The following TNC variants were observed in gnomAD, a reference collection of about 807,000 sequenced individuals.
TNC encodes the protein tenascin.
A neutral mutation model predicts 202.4 loss-of-function variants in TNC; 109 were observed. The observed-to-expected ratio is 0.54, with a 90% CI of 0.46 to 0.63. The LOEUF (loss-of-function observed/expected upper bound fraction) is 0.63. Among genes scored for constraint, TNC ranks in the 30% least tolerant of loss-of-function variants. TNC has a pLI of 0.00. For missense variants in TNC, 2,756 were observed against 2,833.3 expected, an observed-to-expected ratio of 0.97 and a Z score of 0.62; for synonymous variants, 1,007 against 1,089.7, an observed-to-expected ratio of 0.92 and a Z score of 1.50.
At position 115,057,417 on chromosome 9, in the gene TNC, G is replaced by A; in HGVS notation, c.4315C>T (p.Pro1439Ser). The A allele has an allele frequency of 6.2e-7, 1 of 1,607,260 alleles. No individual in the cohort carries two copies. The highest frequency in any genetic ancestry group is 1.1e-5 in the South Asian group (1 of 90,622). ...GAAACATTTAAGTTTCCAATTTCAG[G>A]TTCTTTGGCTGTAAAAGGAAGGGGT... Reference protein sequence around the residue: ...LSAEASTAKEPEIGNLNVSDI... With the variant: ...LSAEASTAKESEIGNLNVSDI... The change falls in exon 15 of 28, where the codon CCT (proline) becomes TCT (serine). Residue 1439 changes from proline to serine, a missense_variant. Around this residue, in one of 2 missense-constraint regions of TNC, gnomAD observed 2,559 missense variants for 2,546.0 expected, o/e 1.01. Coordinates refer to ENST00000350763, the MANE Select transcript of TNC (RefSeq NM_002160.4).
At position 115,021,171 on chromosome 9, in the gene TNC, G is replaced by A. The variant is rs143636742; in HGVS notation, c.6592C>T (p.Arg2198Cys). The change falls in exon 28 of 28, where the codon CGC becomes TGC. Residue 2198 changes from arginine (R) to cysteine (C), a missense_variant. Arg to Cys is a radical substitution (Grantham distance 180, BLOSUM62 -3). Transcript: ENST00000350763. ...PSNFRNLEGRRKRA is the reference protein window; with the variant it reads ...PSNFRNLEGRCKRA ...GTCCCTGGAATTTATGCCCGTTTGC[G>A]CCTGCCTTCAAGATTTCTGAAGTTG... is the stretch of plus-strand genomic sequence containing the variant. 9.9e-6 allele frequency: 16 copies of A among 1,613,456 alleles called. No individual in the cohort carries two copies. The African/African-American group carries it at 1.6e-4, about 16-fold the overall frequency.
chr9:115,069,941 G>A (rs1186191745), intron 10 of TNC, among the ~76,000 whole-genome samples: 3 of 151,250 alleles, frequency 2.0e-5, no homozygotes, highest in Non-Finnish European at 2.9e-5. Flanking sequence ...AAGAATTGGG[G>A]TGTTAATGCA....
intron 1 of TNC, among the ~76,000 whole-genome samples, chr9:115,097,026 T>G (rs1835849208): frequency 1.3e-5 from 2 of 152,230 alleles, no homozygotes; most frequent in South Asian, 4.1e-4. Context: ...CCCGTTTCTC[T>G]GCTGTCCTGC....
In TNC at chr9:115,073,919, T is replaced by G; in HGVS notation, c.2951-53A>C. 3 of 1,559,514 alleles carry G rather than the reference T, an allele frequency of 1.9e-6. No individual in the cohort carries two copies. The South Asian group carries it at 3.5e-5, about 18-fold the overall frequency. ...TCTTCAGGCTGCAAGACAGGGCTGCTTCTGGGGCTGAAAGTCAACTGCATC... is the reference window on the plus strand; with the variant it reads ...TCTTCAGGCTGCAAGACAGGGCTGCGTCTGGGGCTGAAAGTCAACTGCATC... On this transcript the variant is annotated intron_variant, in intron 9 of 27. Coordinates refer to ENST00000350763, the MANE Select transcript of TNC (RefSeq NM_002160.4).
intron 9 of TNC, among the ~76,000 whole-genome samples, chr9:115,075,349 A>G (rs1378480951): frequency 6.6e-6 from 1 of 152,172 alleles, no homozygotes; most frequent in African/African-American, 2.4e-5. Flanking sequence ...AATCTGCTTG[A>G]CAGGGGTATA....
chr9:115,114,207 G>T (rs919498917), intron 1 of TNC, among the ~76,000 whole-genome samples: 2 of 152,112 alleles, frequency 1.3e-5, no homozygotes, highest in African/African-American at 4.8e-5. Context: ...AAACTGGCCC[G>T]GGATAAGATT....
In TNC at chr9:115,035,303, A is replaced by C. The variant is rs1830239183; in HGVS notation, c.5688T>G (p.Thr1896=). The C allele has an allele frequency of 6.2e-7, 1 of 1,613,460 alleles. No individual in the cohort carries two copies. The highest frequency in any genetic ancestry group is 1.3e-5 in the African/African-American group (1 of 74,904). The change falls in exon 22 of 28, where the codon ACT becomes ACG. Residue 1896 remains threonine (T), a synonymous_variant. Coordinates refer to ENST00000350763, the MANE Select transcript of TNC (RefSeq NM_002160.4). The part of the protein sequence containing the change: ...DLDSPRDLTA[T]EVQSETALLT... Reference sequence around the variant, plus strand: ...GGAGGGCAGTTTCCGACTGAACCTCAGTAGCAGTCAAGTCTCTTGGAGAAT... The same window carrying C: ...GGAGGGCAGTTTCCGACTGAACCTCCGTAGCAGTCAAGTCTCTTGGAGAAT...
intron 26 of TNC, among the ~76,000 whole-genome samples, chr9:115,025,602 G>A (rs1829418086): frequency 6.6e-6 from 1 of 151,926 alleles, no homozygotes; most frequent in South Asian, 2.1e-4. Context: ...GTTTTCTGCA[G>A]CCAGGATTGC....
At chr9:115,090,035 A>G (rs867576010) in intron 2 of TNC, among the ~76,000 whole-genome samples, 1 of 152,210 alleles carries the variant, frequency 6.6e-6, no homozygotes, top group African/African-American at 2.4e-5. Flanking sequence ...TCTAATTCTT[A>G]TAACTCAGCA....
intron 10 of TNC, among the ~76,000 whole-genome samples, chr9:115,065,611 C>A (rs1399793395): frequency 1.3e-5 from 2 of 152,032 alleles, no homozygotes; most frequent in Non-Finnish European, 2.9e-5. Flanking sequence ...AGCTGTCCGA[C>A]CTTCTGTATT....
chr9:115,056,202 TA>T (rs1832104746), intron 15 of TNC, among the ~76,000 whole-genome samples: 1 of 139,904 alleles, frequency 7.1e-6, no homozygotes, highest in Non-Finnish European at 1.6e-5. Context: ...CTGTAGACAA[TA>T]TTTTTTTTTC....
In TNC at chr9:115,118,139, C is replaced by T. The variant is rs1181741649; in HGVS notation, c.-294G>A. ...ATCTGCGCGCGGGAGAGGCGGGTGA[C>T]AGTAGGCAGGCTGTGGCCGGTGCAG... On this transcript the variant is annotated 5_prime_UTR_variant, in exon 1 of 28. Coordinates refer to ENST00000350763, the MANE Select transcript of TNC (RefSeq NM_002160.4). 1 of 152,116 alleles carries T rather than the reference C, an allele frequency of 6.6e-6. No homozygotes were observed. The highest frequency in any genetic ancestry group is 1.5e-5 in the Non-Finnish European group (1 of 68,074). The allele number at this position is 152,116 out of a possible 1,614,324, so 9.4% of individuals were successfully genotyped here. A position where few individuals can be genotyped will look rare whatever the true frequency, so the allele number is the denominator to read the frequency against.
chr9:115,051,398 T>G (rs191538979), intron 15 of TNC, among the ~76,000 whole-genome samples: 177 of 152,244 alleles, frequency 1.2e-3, no homozygotes, highest in African/African-American at 4.1e-3. Flanking sequence ...TACAACCAGG[T>G]CTTCCGACTC....
chr9:115,061,297 C>T (rs572483028), intron 13 of TNC, among the ~76,000 whole-genome samples: 1 of 152,312 alleles, frequency 6.6e-6, no homozygotes, highest in South Asian at 2.1e-4. Flanking sequence ...CCACATAGAT[C>T]TGGGGCTTTT....
At chr9:115,110,722 T>C (rs1836976386) in intron 1 of TNC, among the ~76,000 whole-genome samples, 2 of 152,156 alleles carry the variant, frequency 1.3e-5, no homozygotes, top group South Asian at 4.1e-4. Flanking sequence ...ATAAAATACA[T>C]TTGGAATCAT....
chr9:115,078,671 A>G (rs542407416), intron 6 of TNC, among the ~76,000 whole-genome samples: 2 of 152,262 alleles, frequency 1.3e-5, no homozygotes, highest in East Asian at 3.9e-4. Context: ...ACCAAGCAGA[A>G]AAGTGAGGCA....
At position 115,048,265 on chromosome 9, in the gene TNC, A is replaced by G; in HGVS notation, c.4847T>C (p.Val1616Ala). 1 of 1,613,312 alleles carries G rather than the reference A, an allele frequency of 6.2e-7. No individual in the cohort carries two copies. ...GCTCACTTGATTTGAAATACCTGTA[A>G]CAATCTCAGCCCTCAAGGGCTTGGT... ...HQTKPLRAEI[V>A]TEAEPEVDNL... The change falls in exon 16 of 28, where the codon GTT becomes GCT. Residue 1616 changes from valine (V) to alanine (A), a missense_variant. By Grantham distance (64) the Val-to-Ala change is moderately conservative (BLOSUM62 0). Transcript: ENST00000350763.
intron 1 of TNC, among the ~76,000 whole-genome samples, chr9:115,107,496 T>C (rs914207846): frequency 2.0e-5 from 3 of 152,220 alleles, no homozygotes; most frequent in Admixed American, 2.0e-4. Context: ...ATTATATACA[T>C]TTTTATGCCA....
At position 115,084,405 on chromosome 9, in the gene TNC, A is replaced by G. The variant is rs968164711; in HGVS notation, c.1935T>C (p.Asn645=). Residue 645 remains asparagine, a synonymous_variant, in exon 4 of 28, where the codon AAT becomes AAC. Coordinates refer to ENST00000350763, the MANE Select transcript of TNC (RefSeq NM_002160.4). ...TEETVNLAWD[N]EMRVTEYLVV... Reference sequence around the variant, plus strand: ...CAAGGTACTCTGTGACCCGCATCTCATTGTCCCAGGCCAGGTTGACCGTCT... The same window carrying G: ...CAAGGTACTCTGTGACCCGCATCTCGTTGTCCCAGGCCAGGTTGACCGTCT... 6.2e-7 allele frequency: 1 copy of G among 1,611,888 alleles called. No homozygotes were observed. The highest frequency in any genetic ancestry group is 1.1e-5 in the South Asian group (1 of 91,016).
Sources: gnomAD v4.1 joint callset for allele counts (sites outside exome capture counted in the v4.1 genomes callset) on GRCh38, gnomAD v4.1.1 for gene constraint, gnomAD v4.1.1 regional missense constraint, MANE v1.5 for transcripts, NCBI Gene and HGNC (gene_info 2026-07-23, HGNC 2026-07-21) for gene names.